Variants in PWWP2B observed in about 807,000 individuals in gnomAD.
The protein encoded by PWWP2B is PWWP domain-containing protein 2B.
A neutral mutation model predicts 15.5 loss-of-function variants in PWWP2B; 9 were observed. The observed-to-expected ratio is 0.58, with a 90% CI of 0.35 to 1.02. The LOEUF is 1.02. PWWP2B is among the 50% of genes least tolerant of loss of function. PWWP2B has a pLI of 0.02. For missense variants in PWWP2B, 864 were observed against 865.3 expected, an observed-to-expected ratio of 1.00 and a Z score of 0.02; for synonymous variants, 474 against 403.6, an observed-to-expected ratio of 1.17 and a Z score of -2.09.
At chr10:132,412,612 T>C (rs2069796571) in intron 2 of PWWP2B, among the ~76,000 whole-genome samples, 1 of 152,202 alleles carries the variant, frequency 6.6e-6, no homozygotes, top group Admixed American at 6.5e-5. Context: ...CCGCCTACCG[T>C]TGGTGATCAC....
intron 2 of PWWP2B, among the ~76,000 whole-genome samples, chr10:132,415,703 ACACACATCCACTCACACACACATCCACT>A (rs2069843798): frequency 1.5e-5 from 2 of 132,012 alleles, no homozygotes; most frequent in South Asian, 4.6e-4. Context: ...ATGCACTCTC[ACACACATCCACTCACACACACATCCACT>A]CACACACATC....
intron 1 of PWWP2B, among the ~76,000 whole-genome samples, chr10:132,398,693 C>T (rs1292987665): frequency 2.0e-5 from 3 of 152,248 alleles, no homozygotes; most frequent in African/African-American, 7.2e-5. Flanking sequence ...TACACCACCG[C>T]CTCCCCTTCA....
chr10:132,411,363 C>T (rs928808159), intron 2 of PWWP2B, among the ~76,000 whole-genome samples: 15 of 152,368 alleles, frequency 9.8e-5, no homozygotes, highest in African/African-American at 2.9e-4. Flanking sequence ...AACGCAAACA[C>T]GATGTGGCAG....
chr10:132,398,251 T>C (rs969254036), intron 1 of PWWP2B, among the ~76,000 whole-genome samples: 1 of 152,222 alleles, frequency 6.6e-6, no homozygotes, highest in Admixed American at 6.5e-5. Flanking sequence ...CCGTGTTCCT[T>C]CCACAATTAT....
rs772208840 is a variant in PWWP2B at position 132,405,828 on chromosome 10, C to T, written c.1328C>T (p.Thr443Met). 3.4e-5 allele frequency: 55 copies of T among 1,609,610 alleles called. No individual in the cohort carries two copies. In the South Asian group the frequency reaches 4.0e-4, roughly 12 times the overall value. ...GGCTCGGAAGGGACGCCGGCAGACA[C>T]GGGTGACCTCTCGCCTGGCCACGGC... ...SSGSEGTPAD[T>M]GDLSPGHGAS... The change falls in exon 2 of 3, where the codon ACG (threonine) becomes ATG (methionine). Residue 443 changes from threonine (T) to methionine (M), a missense_variant. By Grantham distance (81) the Thr-to-Met change is moderately conservative. Around this residue, in one of 2 missense-constraint regions of PWWP2B, gnomAD observed 736 missense variants for 687.7 expected, o/e 1.07. Coordinates refer to ENST00000305233, the MANE Select transcript of PWWP2B (RefSeq NM_138499.4).
chr10:132,398,104 A>G (rs1331713091), intron 1 of PWWP2B, among the ~76,000 whole-genome samples: 2 of 152,262 alleles, frequency 1.3e-5, no homozygotes, highest in Admixed American at 6.5e-5. Context: ...GGCATGAATC[A>G]GGCTGTGGCC....
At position 132,404,729 on chromosome 10, in the gene PWWP2B, G is replaced by A. The variant is rs746906988; in HGVS notation, c.229G>A (p.Val77Met). Residue 77 changes from valine (V) to methionine (M), a missense_variant, in exon 2 of 3, where the codon GTG becomes ATG. Around this residue, in one of 2 missense-constraint regions of PWWP2B, gnomAD observed 736 missense variants for 687.7 expected, o/e 1.07. Transcript: ENST00000305233. The stretch of plus-strand genomic sequence containing the variant: ...GGCTCCCGAGGAGGGGGATGCAGAG[G>A]TGATGCAGCTGGGGTCCAGCTCCCC... ...GRAPEEGDAE[V>M]MQLGSSSPPP... 1.1e-5 allele frequency: 18 copies of A among 1,610,430 alleles called. No homozygotes were observed. The highest frequency in any genetic ancestry group is 1.4e-5 in the Non-Finnish European group (16 of 1,179,068).
intron 1 of PWWP2B, among the ~76,000 whole-genome samples, chr10:132,401,642 C>T (rs1358739716): frequency 6.6e-6 from 1 of 152,268 alleles, no homozygotes; most frequent in Admixed American, 6.5e-5. Context: ...CTCTTCACGT[C>T]CCAGGGTCCA....
Position 132,404,513 on chromosome 10 carries a change from C to T in PWWP2B, c.126-113C>T, listed in dbSNP as rs1035431167. The T allele has an allele frequency of 1.6e-5, 14 of 881,266 alleles. No homozygotes were observed. In the East Asian group the frequency reaches 2.2e-4, roughly 14 times the overall value. 54.6% of individuals were successfully genotyped at this position (881,266 alleles called of 1,614,324 possible). ...ACAGCCCTGGACTCAGGGCATGGCT[C>T]GCTGCCCAGACCTGCCGGAGCATGG... On this transcript the variant is annotated intron_variant, in intron 1 of 2. Transcript: ENST00000305233.
intron 1 of PWWP2B, 97 bp from the exon 2 acceptor site, chr10:132,404,529 C>G: frequency 9.4e-7 from 1 of 1,065,460 alleles, no homozygotes; most frequent in South Asian, 1.4e-5. Flanking sequence ...CCAGACCTGC[C>G]GGAGCATGGG....
chr10:132,405,288 A>C lies in PWWP2B; in HGVS notation c.788A>C (p.Lys263Thr). 6.2e-7 allele frequency: 1 copy of C among 1,612,086 alleles called. No individual in the cohort carries two copies. Residue 263 changes from lysine (K) to threonine (T), a missense_variant, in exon 2 of 3, where the codon AAG becomes ACG. Physicochemically the swap from Lys to Thr is moderately conservative, Grantham distance 78. Around this residue, in one of 2 missense-constraint regions of PWWP2B, gnomAD observed 736 missense variants for 687.7 expected, o/e 1.07. Transcript: ENST00000305233. Reference sequence around the variant, plus strand: ...ATCTCCTACAGCACGCCCCAGGGCAAGGGAGAGGTGGTCAAGATCCCCTCC... The same window carrying C: ...ATCTCCTACAGCACGCCCCAGGGCACGGGAGAGGTGGTCAAGATCCCCTCC... Reference protein sequence around the residue: ...IKISYSTPQGKGEVVKIPSRV... With the variant: ...IKISYSTPQGTGEVVKIPSRV...
chr10:132,412,583 A>G (rs995935899), intron 2 of PWWP2B, among the ~76,000 whole-genome samples: 3 of 152,188 alleles, frequency 2.0e-5, no homozygotes, highest in Admixed American at 2.0e-4. Context: ...AAGTTCACCC[A>G]GGTTTTCACC....
chr10:132,398,069 G>A (rs1292909679), intron 1 of PWWP2B, among the ~76,000 whole-genome samples: 2 of 152,222 alleles, frequency 1.3e-5, no homozygotes, highest in Non-Finnish European at 2.9e-5. Flanking sequence ...ATGGCAGGGA[G>A]CTGTCGCTGC....
chr10:132,402,125 C>A (rs116706016), intron 1 of PWWP2B, among the ~76,000 whole-genome samples: 3,525 of 152,364 alleles, frequency 0.023, 151 homozygotes, highest in African/African-American at 0.08. Context: ...AAAGCTCAGG[C>A]TGCCCCCCAC....
chr10:132,405,930 T>A lies in PWWP2B; in HGVS notation c.1430T>A (p.Val477Glu). ...PLTVRLHTQSVSECITEDGRT... is the reference protein window; with the variant it reads ...PLTVRLHTQSESECITEDGRT... ...ACGGTCAGGCTGCACACACAGAGCG[T>A]GTCGGAGTGCATCACGGAGGACGGC... The change falls in exon 2 of 3, where the codon GTG (valine) becomes GAG (glutamate). Residue 477 changes from valine to glutamate, a missense_variant. Around this residue, in one of 2 missense-constraint regions of PWWP2B, gnomAD observed 128 missense variants for 177.6 expected, o/e 0.72. Transcript: ENST00000305233. 6.2e-7 allele frequency: 1 copy of A among 1,613,126 alleles called. No homozygotes were observed. The highest frequency in any genetic ancestry group is 8.5e-7 in the Non-Finnish European group (1 of 1,179,984).
rs1445409434 is a variant in PWWP2B at position 132,405,186 on chromosome 10, C to T, written c.686C>T (p.Ala229Val). Residue 229 changes from alanine (A) to valine (V), a missense_variant, in exon 2 of 3, where the codon GCC (alanine) becomes GTC (valine). Physicochemically the swap from Ala to Val is moderately conservative, Grantham distance 64. Coordinates refer to ENST00000305233, the MANE Select transcript of PWWP2B (RefSeq NM_138499.4). ...GGCGAGCCCACGGCTGCGGCCACCG[C>T]CAGGAGGAGCAAGAGGGAGAGGCGC... Reference protein sequence around the residue: ...ENGEPTAAATARRSKRERREE... With the variant: ...ENGEPTAAATVRRSKRERREE... The T allele has an allele frequency of 3.8e-6, 6 of 1,566,526 alleles. No individual in the cohort carries two copies. The highest frequency in any genetic ancestry group is 5.2e-6 in the Non-Finnish European group (6 of 1,157,116).
At chr10:132,416,993 C>A in intron 2 of PWWP2B, 68 bp from the exon 3 acceptor site, 4 of 1,579,186 alleles carry the variant, frequency 2.5e-6, no homozygotes, top group Non-Finnish European at 3.5e-6. Flanking sequence ...GCTGCTCAGA[C>A]CTTGAGGGGC....
Position 132,404,983 on chromosome 10 carries a change from G to T in PWWP2B, c.483G>T (p.Pro161=). Residue 161 remains proline (P), a synonymous_variant, in exon 2 of 3, where the codon CCG becomes CCT. Coordinates refer to ENST00000305233, the MANE Select transcript of PWWP2B (RefSeq NM_138499.4). ...TRRRLSRNRD[P]GRLILSTIRL... ...GGCGTCTGTCCCGCAACCGCGACCC[G>T]GGGCGCCTCATCCTCAGCACCATCC... is the stretch of plus-strand genomic sequence containing the variant. 2 of 1,572,256 alleles carry T rather than the reference G, an allele frequency of 1.3e-6. No individual in the cohort carries two copies. Among genetic ancestry groups the T allele is most frequent in the South Asian group, 1.1e-5 (1 of 88,276 alleles).
intron 1 of PWWP2B, 102 bp downstream of exon 1, chr10:132,397,453 G>T (rs1266565496): frequency 9.3e-7 from 1 of 1,075,130 alleles, no homozygotes. Flanking sequence ...GGGTGGCGTG[G>T]CCCCGGCGCC....
Sources: gnomAD v4.1 joint callset for allele counts (sites outside exome capture counted in the v4.1 genomes callset) on GRCh38, gnomAD v4.1.1 for gene constraint, gnomAD v4.1.1 regional missense constraint, MANE v1.5 for transcripts, NCBI Gene and HGNC (gene_info 2026-07-23, HGNC 2026-07-21) for gene names.